PRDM11: variants seen among roughly 807,000 people sequenced by gnomAD.
PRDM11 encodes the protein PR domain-containing protein 11.
In PRDM11, 20 loss-of-function variants were observed where a neutral mutation model predicts 97.8. The observed-to-expected ratio is 0.20, with a 90% CI of 0.14 to 0.30. The LOEUF (loss-of-function observed/expected upper bound fraction) is 0.30. Ranked by LOEUF, PRDM11 falls within the 10% of genes least tolerant of loss-of-function variation. PRDM11 has a pLI of 1.00. For missense variants in PRDM11, 1,139 were observed against 1,555.2 expected, an observed-to-expected ratio of 0.73 and a Z score of 4.50; for synonymous variants, 599 against 637.7, an observed-to-expected ratio of 0.94 and a Z score of 0.91.
In PRDM11 at chr11:45,166,617, C is replaced by T. The variant is rs76022799; in HGVS notation, c.-6-15144C>T. Among the ~76,000 whole-genome samples the T allele has an allele frequency of 7.1e-3, 1,089 of 152,362 alleles. 11 individuals are homozygous for T. Among genetic ancestry groups the T allele is most frequent in the African/African-American group, 0.025 (1,027 of 41,576 alleles). On this transcript the variant is annotated intron_variant, in intron 1 of 7. Transcript: ENST00000683152. ...CCCCTGAGGGTGGCGACCTTGTTCA[C>T]CCATGGTTCCTAGCACCTAGGACAG...
intron 1 of PRDM11, among the ~76,000 whole-genome samples, chr11:45,105,161 G>A (rs548337021): frequency 6.6e-6 from 1 of 152,342 alleles, no homozygotes; most frequent in African/African-American, 2.4e-5. Flanking sequence ...CAGAGTATAA[G>A]TGATGAAAGA....
intron 1 of PRDM11, among the ~76,000 whole-genome samples, chr11:45,119,727 A>T (rs541588481): frequency 3.8e-4 from 58 of 151,252 alleles, no homozygotes; most frequent in African/African-American, 1.2e-3. Flanking sequence ...TAATGCAGCC[A>T]CAAGATTATC....
intron 1 of PRDM11, among the ~76,000 whole-genome samples, chr11:45,132,967 C>A (rs1231200077): frequency 6.6e-6 from 1 of 152,166 alleles, no homozygotes; most frequent in Non-Finnish European, 1.5e-5. Context: ...TAAGAATGTG[C>A]CACACATACC....
At chr11:45,115,909 G>A (rs545369249) in intron 1 of PRDM11, among the ~76,000 whole-genome samples, 2 of 141,006 alleles carry the variant, frequency 1.4e-5, no homozygotes, top group Non-Finnish European at 3.0e-5. Flanking sequence ...CAGCCTGGGT[G>A]ACGAGTGAAA....
chr11:45,135,876 C>T (rs1206028218), intron 1 of PRDM11, among the ~76,000 whole-genome samples: 1 of 152,106 alleles, frequency 6.6e-6, no homozygotes, highest in Non-Finnish European at 1.5e-5. Context: ...AAAGGCCTGC[C>T]CAGGACGCCT....
intron 1 of PRDM11, among the ~76,000 whole-genome samples, chr11:45,098,126 G>C (rs960539036): frequency 6.6e-6 from 1 of 152,228 alleles, no homozygotes; most frequent in African/African-American, 2.4e-5. Context: ...AACCCACCCA[G>C]GCCTCAGAGT....
chr11:45,218,565 C>T (rs1312059145), intron 5 of PRDM11, among the ~76,000 whole-genome samples: 1 of 152,196 alleles, frequency 6.6e-6, no homozygotes, highest in Non-Finnish European at 1.5e-5. Flanking sequence ...CAAACCATAA[C>T]ATAAAGAAGT....
At chr11:45,204,842 T>G (rs1386710249) in intron 5 of PRDM11, 64 bp downstream of exon 5, 3 of 1,507,536 alleles carry the variant, frequency 2.0e-6, no homozygotes, top group African/African-American at 1.4e-5. Flanking sequence ...GCCAAGGGAG[T>G]GTGTTGGACC....
At chr11:45,118,350 G>T (rs748364113) in intron 1 of PRDM11, among the ~76,000 whole-genome samples, 13 of 151,506 alleles carry the variant, frequency 8.6e-5, no homozygotes, top group Non-Finnish European at 1.9e-4. Context: ...TAGGATAATA[G>T]TTAGGAGAAA....
At chr11:45,104,447 C>T (rs1403238783) in intron 1 of PRDM11, among the ~76,000 whole-genome samples, 1 of 152,180 alleles carries the variant, frequency 6.6e-6, no homozygotes. Flanking sequence ...CGTGCCCTTC[C>T]TGCTGCTCAA....
chr11:45,134,700 C>CAAAAAAAAA (rs1852795712), intron 1 of PRDM11, among the ~76,000 whole-genome samples: 1 of 12,196 alleles, frequency 8.2e-5, no homozygotes, highest in African/African-American at 6.6e-4. Context: ...CCCTGTCTCA[C>CAAAAAAAAA]GAAAAAAAAA....
intron 1 of PRDM11, among the ~76,000 whole-genome samples, chr11:45,110,232 A>T (rs532772562): frequency 1.3e-3 from 205 of 152,258 alleles, no homozygotes; most frequent in South Asian, 9.7e-3. Context: ...TTCCAAGAAC[A>T]ACTAATCCTT....
chr11:45,132,950 C>T (rs1001139524), intron 1 of PRDM11, among the ~76,000 whole-genome samples: 1 of 152,138 alleles, frequency 6.6e-6, no homozygotes, highest in Non-Finnish European at 1.5e-5. Flanking sequence ...AGGAGCAACA[C>T]CCTGCTTAAG....
intron 1 of PRDM11, chr11:45,147,325 C>T (rs539738246): frequency 8.6e-5 from 13 of 152,036 alleles, no homozygotes; most frequent in Non-Finnish European, 1.9e-4. Flanking sequence ...CCAGAGGGCT[C>T]GCCGCGGCCG....
chr11:45,213,260 G>A (rs1173989552), intron 5 of PRDM11: 1 of 456,434 alleles, frequency 2.2e-6, no homozygotes, highest in East Asian at 6.9e-5. Flanking sequence ...GAAGATGCAA[G>A]AAAAGCCACC....
chr11:45,182,228 G>A lies in PRDM11; in HGVS notation c.120-18G>A, dbSNP rs778435341. On this transcript the variant is annotated intron_variant, in intron 2 of 7. Coordinates refer to ENST00000683152, the MANE Select transcript of PRDM11 (RefSeq NM_001384648.1). ...TGATGACTTCTTTGCTTTCTTTGCG[G>A]GCCTCTGCCCTGGCCAGCTCTAGGA... The A allele has an allele frequency of 1.9e-6, 3 of 1,609,160 alleles. No individual in the cohort carries two copies. The highest frequency in any genetic ancestry group is 2.6e-6 in the Non-Finnish European group (3 of 1,176,462).
intron 1 of PRDM11, among the ~76,000 whole-genome samples, chr11:45,174,907 T>G (rs1464902951): frequency 6.6e-6 from 1 of 152,246 alleles, no homozygotes; most frequent in Non-Finnish European, 1.5e-5. Context: ...TGTACACCTG[T>G]GTAGTGTGGG....
chr11:45,205,875 C>T (rs766663528), intron 5 of PRDM11, among the ~76,000 whole-genome samples: 1 of 152,156 alleles, frequency 6.6e-6, no homozygotes, highest in African/African-American at 2.4e-5. Context: ...CTTTAGCGTT[C>T]GCCCTCTTAT....
intron 1 of PRDM11, among the ~76,000 whole-genome samples, chr11:45,161,426 G>A (rs759564174): frequency 1.5e-4 from 23 of 152,210 alleles, no homozygotes; most frequent in East Asian, 5.8e-4. Flanking sequence ...GCTTGGCCCC[G>A]AAGGGTCTGG....
Sources: gnomAD v4.1 joint callset for allele counts (sites outside exome capture counted in the v4.1 genomes callset) on GRCh38, gnomAD v4.1.1 for gene constraint, MANE v1.5 for transcripts, NCBI Gene and HGNC (gene_info 2026-07-23, HGNC 2026-07-21) for gene names.